The following MARCHF3 variants were observed in gnomAD, a reference collection of about 807,000 sequenced individuals.
MARCHF3 encodes E3 ubiquitin-protein ligase MARCHF3.
In MARCHF3, 13 loss-of-function variants were observed where a neutral mutation model predicts 24.2. The observed-to-expected ratio is 0.54, with a 90% confidence interval of 0.35 to 0.85. The LOEUF is 0.85. MARCHF3 is among the 40% of genes least tolerant of loss of function. The pLI is 0.01. For missense variants in MARCHF3, 276 were observed against 325.0 expected (o/e 0.85, Z 1.16); for synonymous variants, 144 against 137.3 (o/e 1.05, Z -0.34).
At chr5:126,950,136 A>G (rs945561848) in intron 1 of MARCHF3, among the ~76,000 whole-genome samples, 3 of 152,144 alleles carry the variant, frequency 2.0e-5, no homozygotes, top group African/African-American at 7.2e-5. Context: ...GTGGCCCATC[A>G]TTATAATCAA....
At chr5:127,025,264 T>C (rs575587525) in intron 1 of MARCHF3, among the ~76,000 whole-genome samples, 1 of 149,084 alleles carries the variant, frequency 6.7e-6, no homozygotes, top group Non-Finnish European at 1.5e-5. Flanking sequence ...CACACTATTA[T>C]ATATGCCTCT....
At chr5:126,932,699 T>C (rs1749518189) in intron 1 of MARCHF3, among the ~76,000 whole-genome samples, 1 of 152,164 alleles carries the variant, frequency 6.6e-6, no homozygotes, top group Admixed American at 6.5e-5. Context: ...AGTACAAAAT[T>C]GTCTCCCTTT....
At chr5:126,980,693 A>G (rs9327425) in intron 1 of MARCHF3, among the ~76,000 whole-genome samples, 84,691 of 152,016 alleles carry the variant, frequency 0.56, 24,436 homozygotes, top group East Asian at 0.79. Flanking sequence ...AAACCCCAGC[A>G]CAGGCCAAAT....
intron 1 of MARCHF3, among the ~76,000 whole-genome samples, chr5:126,991,511 A>G (rs1751760786): frequency 6.6e-6 from 1 of 152,204 alleles, no homozygotes; most frequent in Non-Finnish European, 1.5e-5. Flanking sequence ...ACAAACCTGC[A>G]CGTTGTGCAC....
intron 3 of MARCHF3, among the ~76,000 whole-genome samples, chr5:126,911,181 G>T (rs187625309): frequency 6.6e-6 from 1 of 152,144 alleles, no homozygotes; most frequent in African/African-American, 2.4e-5. Context: ...TTTTGCCCGG[G>T]TCCTGTGGTC....
chr5:126,972,245 TAAAAAAA>T (rs747060453), intron 1 of MARCHF3, among the ~76,000 whole-genome samples: 1 of 58,714 alleles, frequency 1.7e-5, no homozygotes, highest in Non-Finnish European at 3.9e-5. Context: ...ATTAAAGAAC[TAAAAAAA>T]AAAAAAAAAA....
chr5:126,926,881 G>A (rs1444597339), intron 1 of MARCHF3, among the ~76,000 whole-genome samples: 1 of 151,928 alleles, frequency 6.6e-6, no homozygotes, highest in East Asian at 1.9e-4. Context: ...GAACAACGGG[G>A]CCAGGGTAGG....
intron 1 of MARCHF3, among the ~76,000 whole-genome samples, chr5:126,927,539 C>T (rs1313978494): frequency 6.6e-6 from 1 of 152,186 alleles, no homozygotes; most frequent in Non-Finnish European, 1.5e-5. Context: ...GCATCATGGC[C>T]TGGGTGGCTG....
intron 1 of MARCHF3, among the ~76,000 whole-genome samples, chr5:126,998,527 C>T (rs747639623): frequency 7.9e-5 from 12 of 152,176 alleles, no homozygotes; most frequent in Non-Finnish European, 1.2e-4. Context: ...CAGCATTTCA[C>T]GGCTGAGGCC....
At chr5:127,016,648 T>C (rs1468433465) in intron 1 of MARCHF3, among the ~76,000 whole-genome samples, 2 of 152,192 alleles carry the variant, frequency 1.3e-5, no homozygotes, top group Non-Finnish European at 2.9e-5. Context: ...GGAATGCTTT[T>C]ACACTGTTGG....
At chr5:126,895,556 T>C (rs1376887431) in intron 3 of MARCHF3, among the ~76,000 whole-genome samples, 1 of 152,094 alleles carries the variant, frequency 6.6e-6, no homozygotes, top group African/African-American at 2.4e-5. Context: ...TGCAGGTCTG[T>C]TGGAATACCC....
At chr5:126,959,654 G>T (rs1390399004) in intron 1 of MARCHF3, among the ~76,000 whole-genome samples, 1 of 152,150 alleles carries the variant, frequency 6.6e-6, no homozygotes, top group African/African-American at 2.4e-5. Context: ...GAAAGAAGGT[G>T]CAAGGAATAG....
chr5:126,890,617 T>C (rs527614561), intron 3 of MARCHF3, among the ~76,000 whole-genome samples: 267 of 152,156 alleles, frequency 1.8e-3, no homozygotes, highest in Non-Finnish European at 1.1e-3. Flanking sequence ...GGGCATGAAC[T>C]CATCATTTTT....
In MARCHF3 at chr5:126,914,939, C is replaced by T. The variant is rs78649550; in HGVS notation, c.384G>A (p.Pro128=). The T allele has an allele frequency of 9.7e-4, 1,558 of 1,614,144 alleles. 25 individuals are homozygous for T. The East Asian group carries it at 0.031, about 32-fold the overall frequency. The change falls in exon 3 of 5, where the codon CCG becomes CCA. Residue 128 remains proline (P), a synonymous_variant. Transcript: ENST00000308660. ...FRFAVERKPR[P]LVEWLRNPGP... ...TGCCCCACTTACTGACCTCCACTAA[C>T]GGCCTGGGTTTGCGCTCGACTGCAA...
Position 126,936,246 on chromosome 5 carries a change from A to G in MARCHF3, c.-56-18019T>C, listed in dbSNP as rs551177617. ...AGGACATAATGTTTGAGCCTTTTTA[A>G]AAAAGGAATTTATCTTAGGGACATA... is the stretch of plus-strand genomic sequence containing the variant. On this transcript the variant is annotated intron_variant, in intron 1 of 4. Coordinates refer to ENST00000308660, the MANE Select transcript of MARCHF3 (RefSeq NM_178450.5). 1.4e-4 allele frequency among the ~76,000 whole-genome samples: 22 copies of G among 152,310 alleles called. No homozygotes were observed. In the South Asian group the frequency reaches 4.1e-3, roughly 29 times the overall value.
intron 1 of MARCHF3, among the ~76,000 whole-genome samples, chr5:126,977,422 C>T (rs533812392): frequency 2.8e-4 from 43 of 152,272 alleles, no homozygotes; most frequent in African/African-American, 1.0e-3. Flanking sequence ...CTTCTACCCC[C>T]AACCCATCTA....
chr5:126,949,732 T>G (rs563461194), intron 1 of MARCHF3, among the ~76,000 whole-genome samples: 55 of 152,250 alleles, frequency 3.6e-4, no homozygotes, highest in African/African-American at 1.3e-3. Flanking sequence ...GCTAGGGAGT[T>G]GGGATCAGAG....
intron 3 of MARCHF3, among the ~76,000 whole-genome samples, chr5:126,895,360 C>T (rs879329736): frequency 9.9e-5 from 15 of 152,264 alleles, no homozygotes; most frequent in Admixed American, 2.0e-4. Context: ...TGAGGAACTG[C>T]GTTCCTTTGG....
chr5:126,999,348 G>A (rs1004951107), intron 1 of MARCHF3, among the ~76,000 whole-genome samples: 21 of 151,964 alleles, frequency 1.4e-4, no homozygotes, highest in African/African-American at 2.7e-4. Context: ...CATTAGAGCC[G>A]GCCAGTCCAA....
Sources: allele counts gnomAD v4.1 joint callset (sites outside exome capture counted in the v4.1 genomes callset), GRCh38; gene constraint gnomAD v4.1.1; transcripts MANE v1.5; gene names NCBI Gene and HGNC (gene_info 2026-07-23, HGNC 2026-07-21).